OSBPL10: variants seen among roughly 807,000 people sequenced by gnomAD.
OSBPL10 encodes the protein oxysterol binding protein like 10, also known as oxysterol-binding protein-related protein 10.
In OSBPL10, 49 loss-of-function variants were observed where a neutral mutation model predicts 81.7. That is an observed-to-expected ratio of 0.60 (90% CI 0.48 to 0.76). The LOEUF (loss-of-function observed/expected upper bound fraction) is 0.76. Among genes scored for constraint, OSBPL10 ranks in the 30% least tolerant of loss-of-function variants. The pLI is 0.00. For missense variants in OSBPL10, 923 were observed against 987.8 expected, an observed-to-expected ratio of 0.93 and a Z score of 0.88; for synonymous variants, 419 against 383.6, an observed-to-expected ratio of 1.09 and a Z score of -1.08.
intron 3 of OSBPL10, among the ~76,000 whole-genome samples, chr3:31,838,491 A>G (rs1256400645): frequency 1.5e-5 from 2 of 136,968 alleles, no homozygotes; most frequent in Admixed American, 1.6e-4. Context: ...AGCCTGGGCG[A>G]CAGAGCAAGA....
intron 3 of OSBPL10, among the ~76,000 whole-genome samples, chr3:31,873,676 G>C (rs1701385311): frequency 6.6e-6 from 1 of 152,068 alleles, no homozygotes; most frequent in Non-Finnish European, 1.5e-5. Context: ...CTACTGTAAA[G>C]GGATCTGATC....
At chr3:32,028,927 G>GACACACACACACACAC (rs58442955) in intron 2 of OSBPL10, among the ~76,000 whole-genome samples, 13 of 105,724 alleles carry the variant, frequency 1.2e-4, no homozygotes, top group South Asian at 3.4e-4. Context: ...AGCTAGTCAG[G>GACACACACACACACAC]ACACACACAC....
chr3:31,857,040 A>G (rs535668050), intron 3 of OSBPL10, among the ~76,000 whole-genome samples: 77 of 152,310 alleles, frequency 5.1e-4, no homozygotes, highest in African/African-American at 1.8e-3. Context: ...TGGGCAACAG[A>G]GTGAGACCCT....
chr3:31,955,236 C>T (rs967684329), intron 1 of OSBPL10, among the ~76,000 whole-genome samples: 1 of 152,226 alleles, frequency 6.6e-6, no homozygotes, highest in African/African-American at 2.4e-5. Flanking sequence ...CTACTATACA[C>T]CAGAGGTATA....
At chr3:31,663,340 C>A (rs774966778) in intron 11 of OSBPL10, 12 of 985,614 alleles carry the variant, frequency 1.2e-5, no homozygotes, top group Non-Finnish European at 1.4e-5. Context: ...TCTGCCCCAG[C>A]CCTCACCGGC....
chr3:31,675,002 C>T (rs1376604699), intron 8 of OSBPL10, among the ~76,000 whole-genome samples: 5 of 152,168 alleles, frequency 3.3e-5, no homozygotes, highest in African/African-American at 1.2e-4. Context: ...AGGATATTTT[C>T]ACCTTCAGAT....
intron 2 of OSBPL10, chr3:32,037,775 T>A (rs924956491): frequency 6.4e-6 from 1 of 155,496 alleles, no homozygotes; most frequent in African/African-American, 2.4e-5. Flanking sequence ...ATCTGACACT[T>A]CCTCTGCAGC....
At chr3:31,802,549 CAAAAAA>C (rs746823677) in intron 4 of OSBPL10, among the ~76,000 whole-genome samples, 19,557 of 95,024 alleles carry the variant, frequency 0.21, 1,428 homozygotes, top group South Asian at 0.34. Context: ...GCCTGGGTAT[CAAAAAA>C]AAAAAAAAAA....
At chr3:31,689,568 G>A (rs895869249) in intron 7 of OSBPL10, among the ~76,000 whole-genome samples, 2 of 152,050 alleles carry the variant, frequency 1.3e-5, no homozygotes, top group African/African-American at 4.8e-5. Context: ...ATTTCATCTT[G>A]AGTTGTAACT....
intron 1 of OSBPL10, among the ~76,000 whole-genome samples, chr3:31,920,135 G>C (rs968956113): frequency 6.6e-6 from 1 of 152,196 alleles, no homozygotes; most frequent in East Asian, 1.9e-4. Flanking sequence ...AAAGATCAGG[G>C]GTTGCTAGTG....
chr3:31,705,654 T>A (rs1696040393), intron 6 of OSBPL10, among the ~76,000 whole-genome samples: 1 of 152,198 alleles, frequency 6.6e-6, no homozygotes, highest in South Asian at 2.1e-4. Context: ...TGGATAATTA[T>A]CATCCTTTCT....
At chr3:32,011,341 G>T (rs1359599504) in intron 2 of OSBPL10, among the ~76,000 whole-genome samples, 3 of 152,206 alleles carry the variant, frequency 2.0e-5, no homozygotes, top group South Asian at 2.1e-4. Flanking sequence ...GGTCTGGAGT[G>T]GACCTCCAGC....
chr3:31,848,529 A>G (rs1290661359), intron 3 of OSBPL10, among the ~76,000 whole-genome samples: 2 of 152,146 alleles, frequency 1.3e-5, no homozygotes, highest in South Asian at 2.1e-4. Flanking sequence ...TATTGCATTT[A>G]AAACGAAAAG....
At chr3:31,989,658 A>C in intron 2 of OSBPL10, 4 of 1,614,150 alleles carry the variant, frequency 2.5e-6, no homozygotes, top group Non-Finnish European at 3.4e-6. Context: ...TAACGTCCCA[A>C]AGAATTTCTT....
chr3:32,051,627 T>G (rs1271557115), intron 1 of OSBPL10, among the ~76,000 whole-genome samples: 1 of 152,220 alleles, frequency 6.6e-6, no homozygotes, highest in African/African-American at 2.4e-5. Context: ...TGGATCTATT[T>G]TCCTTTCCAG....
intron 11 of OSBPL10, chr3:31,662,398 A>G (rs1374934891): frequency 1.4e-5 from 16 of 1,166,762 alleles, no homozygotes; most frequent in Non-Finnish European, 1.7e-5. Flanking sequence ...TGGCCAAAAA[A>G]AAGAAGCACT....
intron 3 of OSBPL10, among the ~76,000 whole-genome samples, chr3:31,873,754 A>C (rs1242242182): frequency 6.6e-6 from 1 of 152,230 alleles, no homozygotes; most frequent in East Asian, 1.9e-4. Flanking sequence ...CCATGATGCA[A>C]ATTAAGCAGC....
At chr3:31,666,098 A>G (rs2125501908) in intron 10 of OSBPL10, among the ~76,000 whole-genome samples, 1 of 152,282 alleles carries the variant, frequency 6.6e-6, no homozygotes, top group Non-Finnish European at 1.5e-5. Context: ...TCAGTAAGAA[A>G]AGCCAAAGGA....
chr3:32,010,271 T>A, intron 2 of OSBPL10, among the ~76,000 whole-genome samples: 1 of 152,162 alleles, frequency 6.6e-6, no homozygotes, highest in South Asian at 2.1e-4. Flanking sequence ...AGACTGCCAG[T>A]GCCTTGTTCT....
Sources: allele counts gnomAD v4.1 joint callset (sites outside exome capture counted in the v4.1 genomes callset), GRCh38; gene constraint gnomAD v4.1.1; transcripts MANE v1.5; gene names NCBI Gene and HGNC (gene_info 2026-07-23, HGNC 2026-07-21).